The following PRPSAP1 variants were observed in gnomAD, a reference collection of about 807,000 sequenced individuals.
PRPSAP1 encodes phosphoribosyl pyrophosphate synthase-associated protein 1.
Under a neutral mutation model 39.4 loss-of-function variants are expected in PRPSAP1, and 31 were observed. That is an observed-to-expected ratio of 0.79 (90% CI 0.59 to 1.06). The LOEUF (loss-of-function observed/expected upper bound fraction) is 1.06, where lower values mean the gene tolerates loss of function less well. Ranked by LOEUF, PRPSAP1 falls within the 50% of genes least tolerant of loss-of-function variation. PRPSAP1 has a pLI of 0.00. For synonymous variants in PRPSAP1, 212 were observed against 192.6 expected (o/e 1.10, Z -0.83); for missense variants, 430 against 511.6 (o/e 0.84, Z 1.54).
chr17:76,335,491 G>A (rs1301699189), intron 3 of PRPSAP1, among the ~76,000 whole-genome samples: 3 of 152,076 alleles, frequency 2.0e-5, no homozygotes, highest in Admixed American at 6.6e-5. Flanking sequence ...AAGTAGCGGG[G>A]ATTACAGGCA....
chr17:76,354,151 G>T, upstream of PRPSAP1: 1 of 993,624 alleles, frequency 1.0e-6, no homozygotes, highest in Non-Finnish European at 1.2e-6. Flanking sequence ...CAACTTTTTG[G>T]CCAGGACCCA....
At chr17:76,328,922 C>A (rs1450206990) in intron 6 of PRPSAP1, 60 bp from the exon 7 acceptor site, 1 of 1,518,954 alleles carries the variant, frequency 6.6e-7, no homozygotes, top group Non-Finnish European at 8.9e-7. Flanking sequence ...ATCACTACGG[C>A]ATCATTTTTT....
intron 1 of PRPSAP1, among the ~76,000 whole-genome samples, chr17:76,351,046 CA>C (rs2143558337): frequency 1.3e-5 from 2 of 151,558 alleles, no homozygotes; most frequent in South Asian, 4.2e-4. Flanking sequence ...AACAAACAAA[CA>C]AACAAAAAAC....
intron 3 of PRPSAP1, among the ~76,000 whole-genome samples, chr17:76,343,672 T>C (rs2071464358): frequency 6.6e-6 from 1 of 152,010 alleles, no homozygotes; most frequent in South Asian, 2.1e-4. Flanking sequence ...CTGTCTCTAC[T>C]AAAAATACAA....
chr17:76,350,179 C>T (rs1334398655), intron 1 of PRPSAP1, among the ~76,000 whole-genome samples: 7 of 151,598 alleles, frequency 4.6e-5, no homozygotes, highest in Non-Finnish European at 8.8e-5. Flanking sequence ...GTGGCTCATG[C>T]CTGTAATCCC....
At chr17:76,348,822 C>A (rs979272735) in intron 1 of PRPSAP1, among the ~76,000 whole-genome samples, 4 of 152,140 alleles carry the variant, frequency 2.6e-5, no homozygotes, top group African/African-American at 9.7e-5. Context: ...ATGTCTGGTG[C>A]GCGTTGTTCT....
At chr17:76,332,138 A>G in intron 4 of PRPSAP1, 125 bp downstream of exon 4, 1 of 1,239,284 alleles carries the variant, frequency 8.1e-7, no homozygotes, top group South Asian at 1.5e-5. Flanking sequence ...ATCCTTAGCC[A>G]AAACTGTTCA....
At position 76,330,631 on chromosome 17, in the gene PRPSAP1, T is replaced by C; in HGVS notation, c.499A>G (p.Lys167Glu). 1 of 1,613,140 alleles carries C rather than the reference T, an allele frequency of 6.2e-7. No homozygotes were observed. The highest frequency in any genetic ancestry group is 8.5e-7 in the Non-Finnish European group (1 of 1,179,362). ...AAGCTGAAAAAGCCTTGTATTTCCT[T>C]TTGATGAAGATCCATAGTGATAATG... ...THIITMDLHQ[K>E]EIQGFFSFPV... The change falls in exon 5 of 10, where the codon AAG (lysine) becomes GAG (glutamate). Residue 167 changes from lysine to glutamate, a missense_variant. Around this residue, in one of 2 missense-constraint regions of PRPSAP1, gnomAD observed 278 missense variants for 376.3 expected, o/e 0.74. Transcript: ENST00000446526.
chr17:76,325,366 G>A (rs1249593544), intron 7 of PRPSAP1, among the ~76,000 whole-genome samples: 2 of 107,232 alleles, frequency 1.9e-5, no homozygotes, highest in Admixed American at 1.4e-4. Flanking sequence ...CTGAGATCGC[G>A]CCACTGCACT....
intron 3 of PRPSAP1, among the ~76,000 whole-genome samples, chr17:76,332,933 CA>C: frequency 6.6e-6 from 1 of 151,754 alleles, no homozygotes; most frequent in South Asian, 2.1e-4. Flanking sequence ...CGCTGTCGCC[CA>C]GGTTGGAGTG....
upstream of PRPSAP1, chr17:76,354,133 G>A (rs1241253833): frequency 2.0e-6 from 2 of 1,000,666 alleles, no homozygotes; most frequent in Non-Finnish European, 2.4e-6. Context: ...AGTGGCCCCA[G>A]GTGTTTCCAA....
intron 5 of PRPSAP1, 147 bp downstream of exon 5, chr17:76,330,404 T>C: frequency 1.5e-6 from 1 of 657,248 alleles, no homozygotes; most frequent in Non-Finnish European, 2.6e-6. Flanking sequence ...CGTCCACGAC[T>C]AAAGCTGACC....
intron 3 of PRPSAP1, among the ~76,000 whole-genome samples, chr17:76,335,234 C>T (rs111721388): frequency 0.012 from 1,798 of 152,232 alleles, 26 homozygotes; most frequent in African/African-American, 0.041. Flanking sequence ...CAGGCATGAG[C>T]CACCACACCC....
intron 4 of PRPSAP1, among the ~76,000 whole-genome samples, chr17:76,331,863 G>T (rs1447446966): frequency 6.6e-6 from 1 of 152,058 alleles, no homozygotes; most frequent in Non-Finnish European, 1.5e-5. Flanking sequence ...AGGCAAGGGT[G>T]GGGGAGAGGG....
At chr17:76,328,576 T>C (rs924922535) in intron 7 of PRPSAP1, 141 bp downstream of exon 7, 2 of 1,133,994 alleles carry the variant, frequency 1.8e-6, no homozygotes, top group African/African-American at 3.2e-5. Flanking sequence ...GCCACTGCAC[T>C]CTAGCCTGGG....
At chr17:76,347,937 G>C (rs575241190) in intron 2 of PRPSAP1, among the ~76,000 whole-genome samples, 1 of 152,182 alleles carries the variant, frequency 6.6e-6, no homozygotes, top group East Asian at 1.9e-4. Context: ...ATTCCCAAAG[G>C]GCCCCATGTG....
intron 6 of PRPSAP1, among the ~76,000 whole-genome samples, chr17:76,329,658 C>T (rs2143497639): frequency 1.3e-5 from 2 of 152,086 alleles, no homozygotes; most frequent in South Asian, 4.1e-4. Context: ...GCTGCTTGAA[C>T]CCAGGAGGCG....
At chr17:76,347,566 G>C (rs925969920) in intron 2 of PRPSAP1, among the ~76,000 whole-genome samples, 23 of 151,598 alleles carry the variant, frequency 1.5e-4, no homozygotes, top group African/African-American at 5.1e-4. Flanking sequence ...GGAGCCAAGG[G>C]GCCAGGACTT....
chr17:76,338,625 C>T (rs544703023), intron 3 of PRPSAP1, among the ~76,000 whole-genome samples: 7 of 152,008 alleles, frequency 4.6e-5, no homozygotes, highest in Non-Finnish European at 8.8e-5. Context: ...ATTGCTTGAA[C>T]CCAGGAGGCA....
Sources: allele counts gnomAD v4.1 joint callset (sites outside exome capture counted in the v4.1 genomes callset), GRCh38; gene constraint gnomAD v4.1.1; regional missense constraint gnomAD v4.1.1; transcripts MANE v1.5; gene names NCBI Gene and HGNC (gene_info 2026-07-23, HGNC 2026-07-21).